Variants in ACOXL observed in about 807,000 individuals in gnomAD.
ACOXL encodes acyl-CoA oxidase like, also known as acyl-coenzyme A oxidase-like protein.
A neutral mutation model predicts 71.9 loss-of-function variants in ACOXL; 70 were observed. That is an observed-to-expected ratio of 0.97 (90% CI 0.80 to 1.19). The LOEUF (loss-of-function observed/expected upper bound fraction) is 1.19. Among genes scored for constraint, ACOXL ranks in the 50% most tolerant of loss-of-function variants. The pLI is 0.00. For synonymous variants in ACOXL, 253 were observed against 281.6 expected (o/e 0.90, Z 1.02); for missense variants, 703 against 736.3 (o/e 0.95, Z 0.52).
chr2:110,835,730 G>A (rs762945612), intron 9 of ACOXL, among the ~76,000 whole-genome samples: 8 of 152,214 alleles, frequency 5.3e-5, no homozygotes, highest in Non-Finnish European at 1.0e-4. Context: ...TCAGTACCAC[G>A]CAGGTTGCTC....
At chr2:111,024,382 C>G (rs1440415916) in intron 14 of ACOXL, among the ~76,000 whole-genome samples, 1 of 152,070 alleles carries the variant, frequency 6.6e-6, no homozygotes, top group Non-Finnish European at 1.5e-5. Context: ...AGCAGAGACT[C>G]ATGGAAGAAG....
chr2:111,082,784 C>A (rs2067995414), intron 16 of ACOXL, among the ~76,000 whole-genome samples: 1 of 152,136 alleles, frequency 6.6e-6, no homozygotes, highest in Non-Finnish European at 1.5e-5. Context: ...GGAACCAACC[C>A]AAATGCCCAC....
At chr2:110,836,449 GTGGTATTCTGTGCCTGCCTGGCCCTGTT>G (rs1227772705) in intron 9 of ACOXL, among the ~76,000 whole-genome samples, 2 of 151,952 alleles carry the variant, frequency 1.3e-5, no homozygotes, top group Non-Finnish European at 2.9e-5. Context: ...CTCTCTTTGA[GTGGTATTCTGTGCCTGCCTGGCCCTGTT>G]TGGTATTCTG....
chr2:110,828,872 C>T (rs1398820233), intron 9 of ACOXL, among the ~76,000 whole-genome samples: 10 of 151,796 alleles, frequency 6.6e-5, no homozygotes, highest in Admixed American at 1.3e-4. Flanking sequence ...AGTGCAATGG[C>T]GCAATCTTGG....
intron 17 of ACOXL, among the ~76,000 whole-genome samples, chr2:111,111,638 A>G (rs2069972416): frequency 6.6e-6 from 1 of 152,218 alleles, no homozygotes; most frequent in Non-Finnish European, 1.5e-5. Context: ...TAGCAGTATG[A>G]ATAAATGTCA....
chr2:110,905,818 G>A (rs758632848), intron 10 of ACOXL, among the ~76,000 whole-genome samples: 2 of 152,088 alleles, frequency 1.3e-5, no homozygotes, highest in Non-Finnish European at 2.9e-5. Context: ...TTAGATTCTC[G>A]TGAACACTCT....
intron 12 of ACOXL, among the ~76,000 whole-genome samples, chr2:110,938,701 A>G (rs1163086339): frequency 6.7e-6 from 1 of 148,956 alleles, no homozygotes; most frequent in Non-Finnish European, 1.5e-5. Context: ...GAATGAATGA[A>G]CGAATAAATG....
rs377047175 is a variant in ACOXL at position 110,751,887 on chromosome 2, C to T, written c.-22-16481C>T. ...ATTAATTCAATTTAATCTTGTATAA[C>T]GATGAAAATGAATGAACCACAACTA... On this transcript the variant is annotated intron_variant, in intron 1 of 17. Coordinates refer to ENST00000439055, the MANE Select transcript of ACOXL (RefSeq NM_001142807.4). Among the ~76,000 whole-genome samples the T allele has an allele frequency of 3.3e-5, 5 of 152,206 alleles. 1 individual carries two copies. Among genetic ancestry groups the T allele is most frequent in the Admixed American group, 6.5e-5 (1 of 15,288 alleles).
intron 11 of ACOXL, among the ~76,000 whole-genome samples, chr2:110,922,239 A>G (rs1455394404): frequency 1.3e-5 from 2 of 152,186 alleles, no homozygotes; most frequent in Non-Finnish European, 2.9e-5. Context: ...TGGTGCATAC[A>G]CATGCAGGTA....
chr2:111,093,762 G>T, intron 17 of ACOXL: 1 of 415,284 alleles, frequency 2.4e-6, no homozygotes, highest in Non-Finnish European at 4.3e-6. Context: ...TACTCGGGAG[G>T]CTGAGGCACG....
chr2:111,099,884 A>C (rs887338975), intron 17 of ACOXL: 1 of 152,236 alleles, frequency 6.6e-6, no homozygotes, highest in Non-Finnish European at 1.5e-5. Flanking sequence ...AACTGACTTC[A>C]TTTTGCTTTT....
intron 10 of ACOXL, among the ~76,000 whole-genome samples, chr2:110,905,740 C>A (rs1402465161): frequency 6.6e-6 from 1 of 152,138 alleles, no homozygotes. Context: ...TGAGTTCCAG[C>A]AGATTGCATT....
chr2:110,857,166 A>G lies in ACOXL; in HGVS notation c.788+15761A>G, dbSNP rs528462781. Among the ~76,000 whole-genome samples, 87 of 152,318 alleles carry G rather than the reference A, an allele frequency of 5.7e-4. 1 individual carries two copies. In the Middle Eastern group the frequency reaches 0.014, roughly 24 times the overall value. On this transcript the variant is annotated intron_variant, in intron 10 of 17. Coordinates refer to ENST00000439055, the MANE Select transcript of ACOXL (RefSeq NM_001142807.4). ...TTTGATCTTTCTTCTCTGCAACTCA[A>G]CATGTCAGTTTTGTCTTTGACCGAC...
chr2:110,840,225 G>A (rs989250959), intron 9 of ACOXL, among the ~76,000 whole-genome samples: 6 of 152,084 alleles, frequency 3.9e-5, no homozygotes, highest in Non-Finnish European at 5.9e-5. Context: ...TCCTGACCTC[G>A]TGAATGGGCT....
chr2:110,982,946 T>C (rs577745849), intron 12 of ACOXL, among the ~76,000 whole-genome samples: 31 of 152,214 alleles, frequency 2.0e-4, no homozygotes, highest in Non-Finnish European at 3.7e-4. Context: ...GAAGGGGGCC[T>C]GCATTTTCAT....
intron 11 of ACOXL, among the ~76,000 whole-genome samples, chr2:110,913,161 A>G (rs2059707263): frequency 6.6e-6 from 1 of 152,238 alleles, no homozygotes; most frequent in Admixed American, 6.5e-5. Flanking sequence ...GTGGTAATGT[A>G]AAATGGTATA....
chr2:110,879,567 A>G (rs1696364778), intron 10 of ACOXL, among the ~76,000 whole-genome samples: 1 of 152,222 alleles, frequency 6.6e-6, no homozygotes, highest in South Asian at 2.1e-4. Flanking sequence ...AGAAGACATG[A>G]ACAGATAAAT....
At chr2:110,918,561 A>G (rs1442387211) in intron 11 of ACOXL, among the ~76,000 whole-genome samples, 2 of 152,224 alleles carry the variant, frequency 1.3e-5, no homozygotes, top group Admixed American at 6.5e-5. Context: ...ATGGGATCTA[A>G]TTAAACTAAA....
chr2:111,051,656 G>T (rs1334821082), intron 16 of ACOXL, among the ~76,000 whole-genome samples: 1 of 152,134 alleles, frequency 6.6e-6, no homozygotes, highest in Non-Finnish European at 1.5e-5. Context: ...TTTTAGTAGA[G>T]ATGGGGTTTC....
Sources: allele counts gnomAD v4.1 joint callset (sites outside exome capture counted in the v4.1 genomes callset), GRCh38; gene constraint gnomAD v4.1.1; transcripts MANE v1.5; gene names NCBI Gene and HGNC (gene_info 2026-07-23, HGNC 2026-07-21).